TNKS2: variants seen among roughly 807,000 people sequenced by gnomAD.
TNKS2 encodes the protein poly [ADP-ribose] polymerase tankyrase-2.
Under a neutral mutation model 137.6 loss-of-function variants are expected in TNKS2, and 72 were observed. The observed-to-expected ratio is 0.52, with a 90% CI of 0.43 to 0.64. The LOEUF (loss-of-function observed/expected upper bound fraction) is 0.64. Ranked by LOEUF, TNKS2 falls within the 30% of genes least tolerant of loss-of-function variation. The probability of loss-of-function intolerance (pLI) is 0.00; values close to 1 mark genes in which losing one functional copy is unlikely to be tolerated. For missense variants in TNKS2, 1,049 were observed against 1,410.2 expected, an observed-to-expected ratio of 0.74 and a Z score of 4.10; for synonymous variants, 516 against 512.1, an observed-to-expected ratio of 1.01 and a Z score of -0.10.
Position 91,803,108 on chromosome 10 carries a change from A to G in TNKS2, c.199+4219A>G, listed in dbSNP as rs545497342. 1.1e-4 allele frequency among the ~76,000 whole-genome samples: 16 copies of G among 152,366 alleles called. No individual in the cohort carries two copies. In the South Asian group the frequency reaches 3.3e-3, roughly 32 times the overall value. ...TTTCCAAGTTTCTACTAATCTGGCC[A>G]GACAGTATGTCTATCCCAAGTTGAG... On this transcript the variant is annotated intron_variant, in intron 1 of 26. Coordinates refer to ENST00000371627, the MANE Select transcript of TNKS2 (RefSeq NM_025235.4).
rs150067249 is a variant in TNKS2 at position 91,856,295 on chromosome 10, G to A, written c.2988+607G>A. Among the ~76,000 whole-genome samples, 44 of 152,124 alleles carry A rather than the reference G, an allele frequency of 2.9e-4. No homozygotes were observed. In the East Asian group the frequency reaches 4.4e-3, roughly 15 times the overall value. ...ACCATACTTGATGCATAATGAATTCGTATTAACTACATTGATGCAGTATAT... is the reference window on the plus strand; with the variant it reads ...ACCATACTTGATGCATAATGAATTCATATTAACTACATTGATGCAGTATAT... On this transcript the variant is annotated intron_variant, in intron 23 of 26. Coordinates refer to ENST00000371627, the MANE Select transcript of TNKS2 (RefSeq NM_025235.4).
chr10:91,835,333 G>A (rs1008420525), intron 12 of TNKS2, among the ~76,000 whole-genome samples: 15 of 143,790 alleles, frequency 1.0e-4, no homozygotes, highest in Non-Finnish European at 1.6e-4. Flanking sequence ...ACTGTCGCCC[G>A]GGCTGGAGTG....
At chr10:91,850,735 G>A (rs1842517432) in intron 20 of TNKS2, among the ~76,000 whole-genome samples, 1 of 152,054 alleles carries the variant, frequency 6.6e-6, no homozygotes, top group Non-Finnish European at 1.5e-5. Context: ...TAAAAAAACA[G>A]AAATTTGAAG....
Position 91,865,437 on chromosome 10 carries a change from T to G in TNKS2, c.*2438T>G, listed in dbSNP as rs183442774. On this transcript the variant is annotated 3_prime_UTR_variant, in exon 27 of 27. Coordinates refer to ENST00000371627, the MANE Select transcript of TNKS2 (RefSeq NM_025235.4). ...GTTTGAAGTTTGAAATATTGAATAT[T>G]GTAGCTGTACTTGCTCATTAAAATG... Among the ~76,000 whole-genome samples the G allele has an allele frequency of 3.1e-4, 47 of 152,322 alleles. No individual in the cohort carries two copies. The highest frequency in any genetic ancestry group is 1.0e-3 in the Admixed American group (16 of 15,300).
chr10:91,833,950 A>ATCCT lies in TNKS2; in HGVS notation c.1374_1377dup (p.Asn460SerfsTer2). On this transcript the variant is annotated frameshift_variant, in exon 12 of 27. Coordinates refer to ENST00000371627, the MANE Select transcript of TNKS2 (RefSeq NM_025235.4). LOFTEE classifies it high-confidence loss of function. ...CGCCTACTCCTGAGCTATGGGTGTG[A>ATCCT]TCCTAACATTATATCCCTTCAGGGC... 1 of 1,613,882 alleles carries ATCCT rather than the reference A, an allele frequency of 6.2e-7. No homozygotes were observed. The highest frequency in any genetic ancestry group is 8.5e-7 in the Non-Finnish European group (1 of 1,179,880).
At chr10:91,829,489 T>G (rs759961062) in intron 9 of TNKS2, among the ~76,000 whole-genome samples, 7 of 152,110 alleles carry the variant, frequency 4.6e-5, no homozygotes, top group Non-Finnish European at 1.0e-4. Context: ...GCAGTAGCAG[T>G]TTCTTACAGG....
chr10:91,807,059 G>A, intron 1 of TNKS2: 1 of 1,220,446 alleles, frequency 8.2e-7, no homozygotes, highest in Non-Finnish European at 1.1e-6. Context: ...TACAAAAAAT[G>A]ACCTCTAAGC....
At chr10:91,818,705 G>A (rs552202174) in intron 3 of TNKS2, among the ~76,000 whole-genome samples, 61 of 152,072 alleles carry the variant, frequency 4.0e-4, no homozygotes, top group African/African-American at 1.4e-3. Context: ...GCCAATTTTT[G>A]TATTTTTTGT....
chr10:91,825,886 A>G (rs1482402346), intron 7 of TNKS2, among the ~76,000 whole-genome samples: 1 of 152,244 alleles, frequency 6.6e-6, no homozygotes, highest in East Asian at 1.9e-4. Flanking sequence ...CTGGCTGCAT[A>G]AAGTGCGATA....
chr10:91,833,592 T>C (rs777102690), intron 11 of TNKS2, among the ~76,000 whole-genome samples: 7 of 152,174 alleles, frequency 4.6e-5, no homozygotes, highest in Non-Finnish European at 8.8e-5. Flanking sequence ...GCTCTAAATA[T>C]CTGTGAATGC....
rs764703722 is a variant in TNKS2 at position 91,841,424 on chromosome 10, T to C, written c.1815T>C (p.Tyr605=). 10 of 1,608,760 alleles carry C rather than the reference T, an allele frequency of 6.2e-6. No individual in the cohort carries two copies. In the East Asian group the frequency reaches 9.0e-5, roughly 14 times the overall value. ...ATGAAGCAGCAGCAAAAGGAAAATA[T>C]GAAATTTGCAAACTTCTGCTCCAGG... ...PLHEAAAKGK[Y]EICKLLLQHG... The change falls in exon 15 of 27, where the codon TAT becomes TAC. Residue 605 remains tyrosine (Y), a synonymous_variant. Coordinates refer to ENST00000371627, the MANE Select transcript of TNKS2 (RefSeq NM_025235.4).
At chr10:91,822,954 G>A (rs1425162853) in intron 7 of TNKS2, among the ~76,000 whole-genome samples, 4 of 151,326 alleles carry the variant, frequency 2.6e-5, no homozygotes, top group Non-Finnish European at 4.4e-5. Flanking sequence ...TCAGGAGGCT[G>A]TGGCAGGAGA....
chr10:91,834,203 A>T (rs1160790005), intron 12 of TNKS2, among the ~76,000 whole-genome samples, 179 bp downstream of exon 12: 6 of 152,172 alleles, frequency 3.9e-5, no homozygotes, highest in Non-Finnish European at 7.4e-5. Context: ...TCATTAAGTG[A>T]TAATTATGAT....
At chr10:91,799,166 T>C (rs1844073698) in intron 1 of TNKS2, among the ~76,000 whole-genome samples, 1 of 151,896 alleles carries the variant, frequency 6.6e-6, no homozygotes, top group Non-Finnish European at 1.5e-5. Context: ...GTATCAACAA[T>C]ACCTGTACCA....
intron 19 of TNKS2, 124 bp downstream of exon 19, chr10:91,848,759 C>A (rs1161126778): frequency 8.7e-7 from 1 of 1,154,500 alleles, no homozygotes; most frequent in Non-Finnish European, 1.2e-6. Flanking sequence ...GTTAACATAG[C>A]CTTAAAAAGG....
chr10:91,798,514 G>C lies in TNKS2; in HGVS notation c.-177G>C, dbSNP rs1844040039. On this transcript the variant is annotated 5_prime_UTR_variant, in exon 1 of 27. Transcript: ENST00000371627. The stretch of plus-strand genomic sequence containing the variant: ...GGGCAGCCGGGGGGCAGGGAGCCCA[G>C]CGAGGGGCGCGCGTGGGCGCGGCCA... 1.4e-6 allele frequency: 1 copy of C among 693,710 alleles called. No individual in the cohort carries two copies. Among genetic ancestry groups the C allele is most frequent in the Admixed American group, 4.7e-5 (1 of 21,070 alleles). The allele number at this position is 693,710 out of a possible 1,614,324, so 43.0% of individuals were successfully genotyped here. A position where few individuals can be genotyped will look rare whatever the true frequency, so the allele number is the denominator to read the frequency against.
At chr10:91,809,427 G>A (rs1242392483) in intron 1 of TNKS2, among the ~76,000 whole-genome samples, 1 of 152,102 alleles carries the variant, frequency 6.6e-6, no homozygotes, top group Non-Finnish European at 1.5e-5. Context: ...AGCACTTTGG[G>A]AGGCCGAGGC....
At chr10:91,860,992 C>T (rs1205265133) in intron 25 of TNKS2, among the ~76,000 whole-genome samples, 2 of 152,164 alleles carry the variant, frequency 1.3e-5, no homozygotes, top group Non-Finnish European at 2.9e-5. Context: ...ATAGAACCAT[C>T]AACTGGTCTA....
chr10:91,833,726 T>G, intron 11 of TNKS2, 127 bp from the exon 12 acceptor site: 1 of 674,894 alleles, frequency 1.5e-6, no homozygotes, highest in Non-Finnish European at 2.2e-6. Flanking sequence ...AATACTTGCT[T>G]TGGCATTGGA....
Sources: allele counts gnomAD v4.1 joint callset (sites outside exome capture counted in the v4.1 genomes callset), GRCh38; gene constraint gnomAD v4.1.1; transcripts MANE v1.5; gene names NCBI Gene and HGNC (gene_info 2026-07-23, HGNC 2026-07-21).